SORCS1: variants seen among roughly 807,000 people sequenced by gnomAD.
SORCS1 encodes the protein VPS10 domain-containing receptor SorCS1.
Under a neutral mutation model 146.1 loss-of-function variants are expected in SORCS1, and 60 were observed. The observed-to-expected ratio is 0.41, with a 90% confidence interval of 0.33 to 0.51. The LOEUF (loss-of-function observed/expected upper bound fraction) is 0.51. Ranked by LOEUF, SORCS1 falls within the 20% of genes least tolerant of loss-of-function variation. SORCS1 has a pLI of 0.21. For synonymous variants in SORCS1, 637 were observed against 584.0 expected, an observed-to-expected ratio of 1.09 and a Z score of -1.31; for missense variants, 1,352 against 1,487.6, an observed-to-expected ratio of 0.91 and a Z score of 1.50.
chr10:106,587,530 T>A (rs531652699), intron 24 of SORCS1, among the ~76,000 whole-genome samples: 1 of 152,376 alleles, frequency 6.6e-6, no homozygotes, highest in East Asian at 1.9e-4. Flanking sequence ...TCATGATGTA[T>A]CACGACCTAG....
intron 3 of SORCS1, among the ~76,000 whole-genome samples, chr10:106,829,364 T>G (rs1457387934): frequency 6.6e-6 from 1 of 152,236 alleles, no homozygotes; most frequent in Non-Finnish European, 1.5e-5. Context: ...ATGGTAATGA[T>G]CTACCTATCC....
intron 22 of SORCS1, among the ~76,000 whole-genome samples, chr10:106,611,482 T>C (rs565572110): frequency 1.7e-4 from 26 of 152,308 alleles, no homozygotes; most frequent in Admixed American, 4.6e-4. Context: ...GTTGCGGAAG[T>C]TGGAACCTGG....
At chr10:106,994,055 C>A (rs550115703) in intron 1 of SORCS1, among the ~76,000 whole-genome samples, 6 of 118,888 alleles carry the variant, frequency 5.0e-5, no homozygotes, top group African/African-American at 2.2e-4. Context: ...CAGAGCAAGA[C>A]CCCATCTCAA....
intron 1 of SORCS1, among the ~76,000 whole-genome samples, chr10:107,019,050 G>C (rs1210593209): frequency 6.6e-6 from 1 of 152,058 alleles, no homozygotes; most frequent in Non-Finnish European, 1.5e-5. Context: ...CTGTGAAGAG[G>C]ATCCCAGCTC....
chr10:106,976,333 G>GGTTTTTTTTGTT lies in SORCS1; in HGVS notation c.559-19754_559-19753insAACAAAAAAAAC, dbSNP rs1554901322. On this transcript the variant is annotated intron_variant, in intron 1 of 25. Coordinates refer to ENST00000263054, the MANE Select transcript of SORCS1 (RefSeq NM_052918.5). ...ATCAACTCATCATCTAGGTTTTTTTGTTTTTTTTTTTTTTTTGAGACGGAG... is the reference window on the plus strand; with the variant it reads ...ATCAACTCATCATCTAGGTTTTTTTGGTTTTTTTTGTTTTTTTTTTTTTTTTTTGAGACGGAG... Among the ~76,000 whole-genome samples the GGTTTTTTTTGTT allele has an allele frequency of 2.6e-5, 3 of 113,814 alleles. No individual in the cohort carries two copies. The Admixed American group carries it at 2.7e-4, about 10-fold the overall frequency. 74.7% of individuals were successfully genotyped at this position (113,814 alleles called of 152,430 possible).
intron 10 of SORCS1, among the ~76,000 whole-genome samples, chr10:106,686,660 C>T (rs184600751): frequency 6.6e-6 from 1 of 152,304 alleles, no homozygotes; most frequent in African/African-American, 2.4e-5. Context: ...TAACAACTGG[C>T]TTTTTCCTCC....
Position 107,002,234 on chromosome 10 carries a change from A to C in SORCS1, c.559-45654T>G, listed in dbSNP as rs559939083. Among the ~76,000 whole-genome samples, 19 of 152,348 alleles carry C rather than the reference A, an allele frequency of 1.2e-4. No individual in the cohort carries two copies. In the South Asian group the frequency reaches 2.5e-3, roughly 20 times the overall value. On this transcript the variant is annotated intron_variant, in intron 1 of 25. Coordinates refer to ENST00000263054, the MANE Select transcript of SORCS1 (RefSeq NM_052918.5). ...GCCCTAAGTAATAAAGCCATGATTCAATTTAAAATGTTACATTTTTCATGC... is the reference window on the plus strand; with the variant it reads ...GCCCTAAGTAATAAAGCCATGATTCCATTTAAAATGTTACATTTTTCATGC...
rs1355681005 is a variant in SORCS1, at chr10:106,637,584, G to A, written c.2476-8196C>T. ...GCTCTGACCTGGGGGATGAAGAGTC[G>A]CCAGTGAAGAGGATAGTGCAGAAGG... is the stretch of plus-strand genomic sequence containing the variant. On this transcript the variant is annotated intron_variant, in intron 18 of 25. Transcript: ENST00000263054. Among the ~76,000 whole-genome samples the A allele has an allele frequency of 2.0e-5, 3 of 152,176 alleles. No individual in the cohort carries two copies. In the South Asian group the frequency reaches 6.2e-4, roughly 31 times the overall value.
rs192878493 is a variant in SORCS1 at position 107,147,639 on chromosome 10, C to T, written c.558+16330G>A. 1.5e-3 allele frequency among the ~76,000 whole-genome samples: 234 copies of T among 152,288 alleles called. 1 individual carries two copies. The highest frequency in any genetic ancestry group is 5.3e-3 in the African/African-American group (222 of 41,556). On this transcript the variant is annotated intron_variant, in intron 1 of 25. Coordinates refer to ENST00000263054, the MANE Select transcript of SORCS1 (RefSeq NM_052918.5). ...ATCAGGATAGTGAAAACTATCCAGGCAGACTTTCTTTATGGTATATCAATG... is the reference window on the plus strand; with the variant it reads ...ATCAGGATAGTGAAAACTATCCAGGTAGACTTTCTTTATGGTATATCAATG...
chr10:107,143,345 T>A (rs1235399688), intron 1 of SORCS1, among the ~76,000 whole-genome samples: 1 of 152,224 alleles, frequency 6.6e-6, no homozygotes, highest in Non-Finnish European at 1.5e-5. Context: ...TTTTTGTTTT[T>A]GAGTCAGGGT....
At chr10:106,604,551 T>A (rs11817663) in intron 23 of SORCS1, among the ~76,000 whole-genome samples, 12,284 of 152,238 alleles carry the variant, frequency 0.081, 807 homozygotes, top group East Asian at 0.32. Context: ...TACACTGGCA[T>A]TTTCCTTAAA....
chr10:106,751,657 T>C (rs138874695), intron 5 of SORCS1, among the ~76,000 whole-genome samples: 1 of 152,298 alleles, frequency 6.6e-6, no homozygotes, highest in East Asian at 1.9e-4. Context: ...TCAATATATA[T>C]ACTCCAGTGA....
intron 1 of SORCS1, among the ~76,000 whole-genome samples, chr10:107,140,582 A>C (rs1481241107): frequency 1.3e-5 from 2 of 152,186 alleles, no homozygotes; most frequent in African/African-American, 4.8e-5. Context: ...TTAGTAGAAA[A>C]TTCTTACATT....
At chr10:107,097,077 T>C (rs1410539893) in intron 1 of SORCS1, among the ~76,000 whole-genome samples, 1 of 152,208 alleles carries the variant, frequency 6.6e-6, no homozygotes, top group African/African-American at 2.4e-5. Flanking sequence ...AACACACGCA[T>C]TCACTTTTAC....
At chr10:106,689,612 C>T (rs1853142860) in intron 9 of SORCS1, among the ~76,000 whole-genome samples, 1 of 152,138 alleles carries the variant, frequency 6.6e-6, no homozygotes, top group African/African-American at 2.4e-5. Flanking sequence ...CTCCAGACCT[C>T]GCCAAACGCC....
chr10:107,019,863 G>A (rs1460492000), intron 1 of SORCS1, among the ~76,000 whole-genome samples: 2 of 152,260 alleles, frequency 1.3e-5, no homozygotes, highest in African/African-American at 2.4e-5. Context: ...AGAGAAGTCT[G>A]TTGGATAGAC....
intron 4 of SORCS1, among the ~76,000 whole-genome samples, chr10:106,775,832 A>C (rs1448770138): frequency 6.6e-6 from 1 of 152,100 alleles, no homozygotes; most frequent in African/African-American, 2.4e-5. Context: ...CTTTTATTCT[A>C]CCTGAGAAAG....
At position 107,028,822 on chromosome 10, in the gene SORCS1, T is replaced by C. The variant is rs371326911; in HGVS notation, c.559-72242A>G. 1.6e-3 allele frequency among the ~76,000 whole-genome samples: 242 copies of C among 152,340 alleles called. 3 individuals carry two copies. The South Asian group carries it at 0.048, about 30-fold the overall frequency. ...CCTTTTCACTGAAGGGCATCACAGA[T>C]TGCATATGCTTACTTCTAAATCAAG... On this transcript the variant is annotated intron_variant, in intron 1 of 25. Coordinates refer to ENST00000263054, the MANE Select transcript of SORCS1 (RefSeq NM_052918.5).
intron 1 of SORCS1, among the ~76,000 whole-genome samples, chr10:107,011,366 A>G (rs2139736725): frequency 6.6e-6 from 1 of 152,360 alleles, no homozygotes; most frequent in South Asian, 2.1e-4. Flanking sequence ...ACTCATCAAG[A>G]GCAGATGATA....
Sources: gnomAD v4.1 joint callset for allele counts (sites outside exome capture counted in the v4.1 genomes callset) on GRCh38, gnomAD v4.1.1 for gene constraint, MANE v1.5 for transcripts, NCBI Gene and HGNC (gene_info 2026-07-23, HGNC 2026-07-21) for gene names.